Variants in CAMK2D observed in about 807,000 individuals in gnomAD.
The protein encoded by CAMK2D is calcium/calmodulin dependent protein kinase II delta.
Under a neutral mutation model 84.0 loss-of-function variants are expected in CAMK2D, and 37 were observed. The observed-to-expected ratio is 0.44, with a 90% CI of 0.34 to 0.58. CAMK2D has a LOEUF of 0.58. Among genes scored for constraint, CAMK2D ranks in the 20% least tolerant of loss-of-function variants. CAMK2D has a pLI of 0.02. For synonymous variants in CAMK2D, 202 were observed against 212.5 expected (o/e 0.95, Z 0.43); for missense variants, 448 against 652.5 (o/e 0.69, Z 3.41).
At chr4:113,678,779 A>G (rs1372423424) in intron 2 of CAMK2D, among the ~76,000 whole-genome samples, 2 of 152,216 alleles carry the variant, frequency 1.3e-5, no homozygotes, top group African/African-American at 4.8e-5. Context: ...TCCAGCCCAC[A>G]GGCATTTCCT....
chr4:113,476,382 A>T (rs1040427288), intron 16 of CAMK2D, among the ~76,000 whole-genome samples: 5 of 152,172 alleles, frequency 3.3e-5, no homozygotes, highest in African/African-American at 1.2e-4. Flanking sequence ...TGCATTTGCA[A>T]AAATTACGAC....
intron 2 of CAMK2D, among the ~76,000 whole-genome samples, chr4:113,682,015 G>A (rs922001203): frequency 6.6e-6 from 1 of 152,142 alleles, no homozygotes; most frequent in African/African-American, 2.4e-5. Flanking sequence ...GGATACAGGA[G>A]CAGTGGACCT....
intron 9 of CAMK2D, 34 bp from the exon 10 acceptor site, chr4:113,515,225 A>G: frequency 6.7e-7 from 1 of 1,501,964 alleles, no homozygotes; most frequent in Non-Finnish European, 9.1e-7. Flanking sequence ...AAGTTTAAAA[A>G]ATAGACACAC....
At chr4:113,629,014 G>A (rs1171051744) in intron 3 of CAMK2D, among the ~76,000 whole-genome samples, 1 of 151,742 alleles carries the variant, frequency 6.6e-6, no homozygotes, top group Non-Finnish European at 1.5e-5. Flanking sequence ...TTCTAGAATT[G>A]AACAAAATAC....
chr4:113,648,954 C>G (rs1421384893), intron 3 of CAMK2D, among the ~76,000 whole-genome samples: 1 of 152,182 alleles, frequency 6.6e-6, no homozygotes. Flanking sequence ...AGTGAAATTT[C>G]TAATTTCTCC....
chr4:113,565,324 G>C (rs763056686), intron 4 of CAMK2D, among the ~76,000 whole-genome samples: 1 of 152,116 alleles, frequency 6.6e-6, no homozygotes, highest in Non-Finnish European at 1.5e-5. Flanking sequence ...TATTTTGGCT[G>C]CCAAATGCTT....
intron 2 of CAMK2D, among the ~76,000 whole-genome samples, chr4:113,682,892 T>A (rs945161704): frequency 2.6e-5 from 4 of 152,184 alleles, no homozygotes; most frequent in African/African-American, 9.7e-5. Flanking sequence ...CCTATGACTA[T>A]AATAAACCCA....
intron 6 of CAMK2D, among the ~76,000 whole-genome samples, chr4:113,545,151 A>C (rs148281891): frequency 2.6e-4 from 39 of 152,280 alleles, no homozygotes; most frequent in Non-Finnish European, 4.7e-4. Flanking sequence ...ACCTTCATTC[A>C]TTTCTAAATT....
At chr4:113,756,482 A>C (rs2099628887) in intron 2 of CAMK2D, among the ~76,000 whole-genome samples, 1 of 151,988 alleles carries the variant, frequency 6.6e-6, no homozygotes, top group East Asian at 1.9e-4. Flanking sequence ...AAAAATCAGT[A>C]CCTTAGAAAA....
intron 2 of CAMK2D, chr4:113,755,162 T>C (rs1390764122): frequency 1.4e-5 from 6 of 433,874 alleles, no homozygotes; most frequent in Non-Finnish European, 1.7e-5. Context: ...TCAAAAAAGG[T>C]TACTTAGGGA....
chr4:113,568,047 T>A (rs949902409), intron 4 of CAMK2D, among the ~76,000 whole-genome samples: 2 of 152,134 alleles, frequency 1.3e-5, no homozygotes, highest in African/African-American at 4.8e-5. Context: ...TGTTCAGGGG[T>A]CTCTAGTTAT....
chr4:113,465,943 A>G (rs575539641), intron 16 of CAMK2D, among the ~76,000 whole-genome samples: 6 of 151,184 alleles, frequency 4.0e-5, no homozygotes, highest in Admixed American at 6.6e-5. Context: ...GGTCAAGGCT[A>G]TGTTTTTTAA....
At chr4:113,607,862 T>G (rs2098984665) in intron 4 of CAMK2D, among the ~76,000 whole-genome samples, 1 of 152,168 alleles carries the variant, frequency 6.6e-6, no homozygotes, top group African/African-American at 2.4e-5. Flanking sequence ...AAAATCACAA[T>G]TTAGTTCTGA....
At chr4:113,625,310 T>G (rs2099062939) in intron 3 of CAMK2D, among the ~76,000 whole-genome samples, 1 of 152,166 alleles carries the variant, frequency 6.6e-6, no homozygotes, top group Non-Finnish European at 1.5e-5. Context: ...ACAAAGTTTA[T>G]GTGCAAATAT....
At chr4:113,746,007 A>T (rs934864792) in intron 2 of CAMK2D, among the ~76,000 whole-genome samples, 1 of 152,222 alleles carries the variant, frequency 6.6e-6, no homozygotes, top group African/African-American at 2.4e-5. Context: ...TACAGAACTC[A>T]ATTAGGAAAT....
intron 4 of CAMK2D, among the ~76,000 whole-genome samples, chr4:113,591,696 C>T (rs768023359): frequency 1.1e-4 from 16 of 152,342 alleles, no homozygotes; most frequent in Middle Eastern, 6.8e-3. Context: ...GCTCTCCTTT[C>T]ACCCTTAAAT....
intron 2 of CAMK2D, among the ~76,000 whole-genome samples, chr4:113,670,906 C>T (rs146101599): frequency 0.037 from 5,559 of 151,640 alleles, 332 homozygotes; most frequent in African/African-American, 0.13. Flanking sequence ...CCAGCCTGGG[C>T]AACAGAGCGA....
At chr4:113,615,340 A>G (rs1307346257) in intron 3 of CAMK2D, among the ~76,000 whole-genome samples, 1 of 152,104 alleles carries the variant, frequency 6.6e-6, no homozygotes, top group Non-Finnish European at 1.5e-5. Flanking sequence ...TAAAAATGTA[A>G]AAACACACAC....
chr4:113,538,321 C>T (rs751835339), intron 6 of CAMK2D, among the ~76,000 whole-genome samples: 1 of 152,038 alleles, frequency 6.6e-6, no homozygotes, highest in African/African-American at 2.4e-5. Flanking sequence ...AAATAAGCAC[C>T]AGGGAACAGT....
Sources: gnomAD v4.1 joint callset for allele counts (sites outside exome capture counted in the v4.1 genomes callset) on GRCh38, gnomAD v4.1.1 for gene constraint, MANE v1.5 for transcripts, NCBI Gene and HGNC (gene_info 2026-07-23, HGNC 2026-07-21) for gene names.